The following DGKB variants were observed in gnomAD, a reference collection of about 807,000 sequenced individuals.
DGKB encodes 90 kDa diacylglycerol kinase.
A neutral mutation model predicts 114.3 loss-of-function variants in DGKB; 67 were observed. The observed-to-expected ratio is 0.59, with a 90% CI of 0.48 to 0.72. The LOEUF is 0.72. Ranked by LOEUF, DGKB falls within the 30% of genes least tolerant of loss-of-function variation. The pLI is 0.00. For synonymous variants in DGKB, 398 were observed against 323.1 expected, an observed-to-expected ratio of 1.23 and a Z score of -2.49; for missense variants, 907 against 975.2, an observed-to-expected ratio of 0.93 and a Z score of 0.93.
At chr7:14,220,376 G>T (rs1789738153) in intron 23 of DGKB, among the ~76,000 whole-genome samples, 1 of 151,376 alleles carries the variant, frequency 6.6e-6, no homozygotes, top group South Asian at 2.1e-4. Context: ...TTTTGTTGAA[G>T]ACTATTGTCT....
At chr7:14,776,486 C>G (rs1838209165) in intron 2 of DGKB, among the ~76,000 whole-genome samples, 1 of 152,156 alleles carries the variant, frequency 6.6e-6, no homozygotes, top group South Asian at 2.1e-4. Context: ...CTGTGTGCAG[C>G]CTAGGGACTT....
At chr7:14,792,041 T>G (rs1840736995) in intron 2 of DGKB, among the ~76,000 whole-genome samples, 1 of 152,150 alleles carries the variant, frequency 6.6e-6, no homozygotes. Context: ...GAATTGGTAT[T>G]AATTCTTCTG....
intron 20 of DGKB, among the ~76,000 whole-genome samples, chr7:14,544,612 G>A (rs10246573): frequency 0.096 from 14,615 of 152,032 alleles, 1,003 homozygotes; most frequent in East Asian, 0.33. Flanking sequence ...AAACTTCAGT[G>A]TCTAATGGAA....
At chr7:14,201,732 A>T (rs1350631224) in intron 23 of DGKB, among the ~76,000 whole-genome samples, 1 of 151,898 alleles carries the variant, frequency 6.6e-6, no homozygotes, top group Non-Finnish European at 1.5e-5. Context: ...TATAGAGAGG[A>T]CGGCCTGGTG....
At chr7:14,220,568 A>G (rs1322525144) in intron 23 of DGKB, among the ~76,000 whole-genome samples, 1 of 151,534 alleles carries the variant, frequency 6.6e-6, no homozygotes. Context: ...GGATACTCCA[A>G]CTTTGTTAAT....
intron 1 of DGKB, among the ~76,000 whole-genome samples, chr7:14,958,007 C>G (rs557427119): frequency 1.3e-5 from 2 of 152,004 alleles, no homozygotes; most frequent in East Asian, 1.9e-4. Context: ...ATTGTGTTTA[C>G]GTAAAATCAG....
chr7:14,643,472 C>A (rs1051559311), intron 13 of DGKB, among the ~76,000 whole-genome samples: 4 of 152,178 alleles, frequency 2.6e-5, no homozygotes, highest in African/African-American at 9.7e-5. Context: ...GGCCAAATAG[C>A]CCCTGTATCT....
At chr7:14,835,388 G>A (rs769500771) in intron 2 of DGKB, among the ~76,000 whole-genome samples, 3 of 152,084 alleles carry the variant, frequency 2.0e-5, no homozygotes, top group African/African-American at 4.8e-5. Context: ...AATCAGCAAG[G>A]CAACTCCATG....
chr7:14,841,994 A>T (rs1017417052), intron 1 of DGKB, among the ~76,000 whole-genome samples: 2 of 152,238 alleles, frequency 1.3e-5, no homozygotes, highest in African/African-American at 2.4e-5. Flanking sequence ...ACAGTAGATG[A>T]TTCTATTGTG....
chr7:14,492,981 A>G (rs1377014477), intron 20 of DGKB, among the ~76,000 whole-genome samples: 3 of 152,094 alleles, frequency 2.0e-5, no homozygotes, highest in Non-Finnish European at 4.4e-5. Flanking sequence ...CCATTTTTCA[A>G]TACATCTACT....
At chr7:14,320,220 C>A (rs538883043) in intron 23 of DGKB, among the ~76,000 whole-genome samples, 3 of 152,114 alleles carry the variant, frequency 2.0e-5, no homozygotes, top group Non-Finnish European at 4.4e-5. Context: ...CGCTCTCTGG[C>A]CCTACATGTC....
intron 2 of DGKB, among the ~76,000 whole-genome samples, chr7:14,840,731 CA>C (rs1562683695): frequency 1.7e-4 from 25 of 149,250 alleles, no homozygotes; most frequent in Middle Eastern, 6.9e-3. Flanking sequence ...CACACACACA[CA>C]CACACACACA....
chr7:14,453,442 G>A (rs1368554483), intron 21 of DGKB, among the ~76,000 whole-genome samples: 1 of 152,052 alleles, frequency 6.6e-6, no homozygotes, highest in Admixed American at 6.6e-5. Context: ...TATGGTTCTG[G>A]ACTAGAAAGC....
intron 23 of DGKB, among the ~76,000 whole-genome samples, chr7:14,192,508 A>T (rs1784450207): frequency 6.6e-6 from 1 of 152,018 alleles, no homozygotes; most frequent in Non-Finnish European, 1.5e-5. Flanking sequence ...AATTGGAAGA[A>T]TTTTTTTTAA....
intron 25 of DGKB, among the ~76,000 whole-genome samples, chr7:14,172,122 T>G (rs1260189020): frequency 6.6e-6 from 1 of 152,156 alleles, no homozygotes; most frequent in Non-Finnish European, 1.5e-5. Context: ...ATGTGTTGTG[T>G]TACCAAACTA....
At chr7:14,824,050 C>T (rs1433927791) in intron 2 of DGKB, among the ~76,000 whole-genome samples, 4 of 152,090 alleles carry the variant, frequency 2.6e-5, no homozygotes, top group African/African-American at 7.2e-5. Flanking sequence ...AGCAGGCAAG[C>T]GAGCTTGTGT....
At chr7:14,178,228 A>C in intron 23 of DGKB, 77 bp from the exon 24 acceptor site, 1 of 1,463,156 alleles carries the variant, frequency 6.8e-7, no homozygotes, top group Non-Finnish European at 9.2e-7. Flanking sequence ...GATATTATGG[A>C]GATTAAAAAA....
At chr7:14,669,064 A>G (rs1315974008) in intron 13 of DGKB, among the ~76,000 whole-genome samples, 1 of 152,102 alleles carries the variant, frequency 6.6e-6, no homozygotes, top group Admixed American at 6.6e-5. Flanking sequence ...TTTTGTTCCC[A>G]CTTTCCTAGG....
intron 2 of DGKB, among the ~76,000 whole-genome samples, chr7:14,781,760 C>T (rs1839129564): frequency 6.6e-6 from 1 of 152,102 alleles, no homozygotes; most frequent in Admixed American, 6.6e-5. Context: ...TAACATATAA[C>T]TCTGGGCTTA....
Sources: gnomAD v4.1 joint callset for allele counts (sites outside exome capture counted in the v4.1 genomes callset) on GRCh38, gnomAD v4.1.1 for gene constraint, MANE v1.5 for transcripts, NCBI Gene and HGNC (gene_info 2026-07-23, HGNC 2026-07-21) for gene names.